Variants in DRC11 observed in about 807,000 individuals in gnomAD.
The protein encoded by DRC11 is dynein regulatory complex subunit 11, also known as IQ and AAA domain-containing protein 1.
the DRC11 span, among the ~76,000 whole-genome samples, chr2:236,345,681 A>G: frequency 6.6e-5 from 10 of 152,332 alleles, no homozygotes; most frequent in African/African-American, 2.4e-4. Flanking sequence ...CCCTGGGCCC[A>G]TGAATAATTG....
the DRC11 span, chr2:236,419,035 GA>G: frequency 7.2e-7 from 1 of 1,391,898 alleles, no homozygotes; most frequent in Non-Finnish European, 9.4e-7. This position sits in a 1 kb window ranked among gnomAD's most constrained non-coding sequence, Gnocchi z 4.8. Context: ...GTTTCTCTAG[GA>G]AACAAACGGC....
At chr2:236,409,914 T>C in the DRC11 span, among the ~76,000 whole-genome samples, 1 of 152,244 alleles carries the variant, frequency 6.6e-6, no homozygotes, top group Non-Finnish European at 1.5e-5. Flanking sequence ...ATTACATTTA[T>C]TGATTTGTGT....
the DRC11 span, among the ~76,000 whole-genome samples, chr2:236,491,231 A>AC: frequency 4.3e-5 from 3 of 69,554 alleles, no homozygotes; most frequent in Non-Finnish European, 8.9e-5. Context: ...ATATATATAT[A>AC]TATATATATA....
chr2:236,422,285 C>G, the DRC11 span, among the ~76,000 whole-genome samples: 1 of 152,132 alleles, frequency 6.6e-6, no homozygotes, highest in Non-Finnish European at 1.5e-5. Context: ...TTGCAGATGA[C>G]ATGATTGTAT....
At chr2:236,445,574 A>G in the DRC11 span, among the ~76,000 whole-genome samples, 1 of 151,858 alleles carries the variant, frequency 6.6e-6, no homozygotes, top group East Asian at 1.9e-4. This position sits in a 1 kb window ranked among gnomAD's most constrained non-coding sequence, Gnocchi z 4.8. Flanking sequence ...TCCCGACCTC[A>G]GGTGATCCGC....
At chr2:236,419,184 TG>T in the DRC11 span, 15 of 1,538,248 alleles carry the variant, frequency 9.8e-6, no homozygotes, top group Non-Finnish European at 1.0e-5. The surrounding 1 kb of genome is among the most constrained non-coding windows in gnomAD (Gnocchi z 4.8). Context: ...TTTTGTTTTT[TG>T]GCTTTCTTGG....
the DRC11 span, among the ~76,000 whole-genome samples, chr2:236,453,023 TAGAA>T: frequency 6.6e-6 from 1 of 152,174 alleles, no homozygotes; most frequent in African/African-American, 2.4e-5. The surrounding 1 kb of genome is among the most constrained non-coding windows in gnomAD (Gnocchi z 4.9). Flanking sequence ...TAGGAAGAGA[TAGAA>T]AGATTTTCCC....
chr2:236,411,933 T>C, the DRC11 span, among the ~76,000 whole-genome samples: 2 of 145,604 alleles, frequency 1.4e-5, no homozygotes, highest in African/African-American at 5.1e-5. Flanking sequence ...CATTGGGAGA[T>C]ATACCTAATG....
the DRC11 span, among the ~76,000 whole-genome samples, chr2:236,446,504 G>A: frequency 1.5e-4 from 23 of 152,280 alleles, no homozygotes; most frequent in African/African-American, 5.5e-4. This position sits in a 1 kb window ranked among gnomAD's most constrained non-coding sequence, Gnocchi z 6.2. Flanking sequence ...TCTGCTTTTT[G>A]TGGAACCTGA....
the DRC11 span, among the ~76,000 whole-genome samples, chr2:236,309,146 G>A: frequency 6.6e-6 from 1 of 152,146 alleles, no homozygotes; most frequent in Non-Finnish European, 1.5e-5. The surrounding 1 kb of genome is among the most constrained non-coding windows in gnomAD (Gnocchi z 5.7). Context: ...TAGGACATAA[G>A]CAGCCGCACA....
the DRC11 span, among the ~76,000 whole-genome samples, chr2:236,445,567 C>T: frequency 2.0e-5 from 3 of 151,710 alleles, no homozygotes; most frequent in Non-Finnish European, 2.9e-5. This position sits in a 1 kb window ranked among gnomAD's most constrained non-coding sequence, Gnocchi z 4.8. Context: ...CTCAAACTCC[C>T]GACCTCAGGT....
the DRC11 span, chr2:236,324,602 G>A: frequency 1.3e-5 from 10 of 785,110 alleles, no homozygotes; most frequent in Non-Finnish European, 1.9e-5. This position sits in a 1 kb window ranked among gnomAD's most constrained non-coding sequence, Gnocchi z 5.7. Context: ...TCTTTGGCGA[G>A]TTGGGGTCCT....
At chr2:236,496,788 G>C in the DRC11 span, among the ~76,000 whole-genome samples, 5 of 152,202 alleles carry the variant, frequency 3.3e-5, no homozygotes, top group African/African-American at 4.8e-5. This position sits in a 1 kb window ranked among gnomAD's most constrained non-coding sequence, Gnocchi z 6.3. Flanking sequence ...AGGCTACAGA[G>C]AGATTCCATG....
chr2:236,370,974 T>C, the DRC11 span, among the ~76,000 whole-genome samples: 1 of 152,078 alleles, frequency 6.6e-6, no homozygotes, highest in Non-Finnish European at 1.5e-5. This position sits in a 1 kb window ranked among gnomAD's most constrained non-coding sequence, Gnocchi z 5.5. Flanking sequence ...CTGTTGGGAG[T>C]TCAATGGTGT....
chr2:236,315,454 A>C, the DRC11 span, among the ~76,000 whole-genome samples: 1 of 152,238 alleles, frequency 6.6e-6, no homozygotes, highest in Non-Finnish European at 1.5e-5. The surrounding 1 kb of genome is among the most constrained non-coding windows in gnomAD (Gnocchi z 5.1). Flanking sequence ...GCAATTCCTC[A>C]AAGATTAAGA....
At chr2:236,366,872 C>T in the DRC11 span, among the ~76,000 whole-genome samples, 2 of 148,820 alleles carry the variant, frequency 1.3e-5, no homozygotes, top group Non-Finnish European at 3.0e-5. Context: ...TCACTCTTGT[C>T]GCCCAGGCTG....
chr2:236,408,862 C>A, the DRC11 span: 2 of 653,742 alleles, frequency 3.1e-6, no homozygotes, highest in African/African-American at 3.6e-5. This position sits in a 1 kb window ranked among gnomAD's most constrained non-coding sequence, Gnocchi z 5.5. Context: ...ACAGCCTCTA[C>A]CACCTCCTTC....
chr2:236,488,027 G>T, the DRC11 span: 2 of 1,600,898 alleles, frequency 1.2e-6, no homozygotes, highest in Admixed American at 3.4e-5. Flanking sequence ...CAGCAGCCCA[G>T]GTATCTGTCA....
At chr2:236,478,254 ATT>A in the DRC11 span, among the ~76,000 whole-genome samples, 2 of 151,792 alleles carry the variant, frequency 1.3e-5, no homozygotes, top group African/African-American at 4.8e-5. This position sits in a 1 kb window ranked among gnomAD's most constrained non-coding sequence, Gnocchi z 5.9. Flanking sequence ...TTCAATTTTC[ATT>A]TGTTTCAGGA....
Sources: allele counts gnomAD v4.1 joint callset (sites outside exome capture counted in the v4.1 genomes callset), GRCh38; gene constraint gnomAD v4.1.1; non-coding constraint Gnocchi (gnomAD v3.1); transcripts MANE v1.5; gene names NCBI Gene and HGNC (gene_info 2026-07-23, HGNC 2026-07-21).